Variants in OIT3 observed in about 807,000 individuals in gnomAD.
OIT3 encodes oncoprotein-induced transcript 3 protein.
A neutral mutation model predicts 52.2 loss-of-function variants in OIT3; 41 were observed. That is an observed-to-expected ratio of 0.79 (90% CI 0.61 to 1.02). The LOEUF (loss-of-function observed/expected upper bound fraction) is 1.02. OIT3 is among the 50% of genes least tolerant of loss of function. The probability of loss-of-function intolerance (pLI) is 0.00; values close to 1 mark genes in which losing one functional copy is unlikely to be tolerated. For missense variants in OIT3, 634 were observed against 715.5 expected (o/e 0.89, Z 1.30); for synonymous variants, 244 against 276.9 (o/e 0.88, Z 1.18).
intron 6 of OIT3, among the ~76,000 whole-genome samples, chr10:72,920,047 G>T (rs187400367): frequency 6.6e-6 from 1 of 152,150 alleles, no homozygotes; most frequent in African/African-American, 2.4e-5. Context: ...TGTACAGGGG[G>T]TAGAATTCAG....
At chr10:72,912,224 T>C (rs142791414) in intron 5 of OIT3, among the ~76,000 whole-genome samples, 65 of 151,956 alleles carry the variant, frequency 4.3e-4, no homozygotes, top group African/African-American at 1.5e-3. Flanking sequence ...GATATGAGGG[T>C]TAACAATCCT....
chr10:72,912,480 A>G (rs887132844), intron 5 of OIT3, among the ~76,000 whole-genome samples: 1 of 151,972 alleles, frequency 6.6e-6, no homozygotes, highest in Non-Finnish European at 1.5e-5. Flanking sequence ...CATGTTGGCC[A>G]GGCTGGTCTC....
At chr10:72,916,570 A>T (rs895594389) in intron 6 of OIT3, among the ~76,000 whole-genome samples, 2 of 152,146 alleles carry the variant, frequency 1.3e-5, no homozygotes, top group African/African-American at 4.8e-5. Flanking sequence ...TACCCAGCCT[A>T]TCATTGATGG....
At position 72,932,918 on chromosome 10, in the gene OIT3, AC is replaced by A. The variant is rs1357785612; in HGVS notation, c.*397del. 6.0e-6 allele frequency: 1 copy of A among 166,534 alleles called. No individual in the cohort carries two copies. Among genetic ancestry groups the A allele is most frequent in the African/African-American group, 2.4e-5 (1 of 42,022 alleles). 10.3% of individuals were successfully genotyped at this position (166,534 alleles called of 1,614,324 possible). On this transcript the variant is annotated 3_prime_UTR_variant, in exon 9 of 9. Coordinates refer to ENST00000334011, the MANE Select transcript of OIT3 (RefSeq NM_152635.3). ...CAGTTACTGAAATTATGACTTAAATACCCAATGACTCCTTAAATATGTAAAT... is the reference window on the plus strand; with the variant it reads ...CAGTTACTGAAATTATGACTTAAATACCAATGACTCCTTAAATATGTAAAT...
At chr10:72,917,747 A>T in intron 6 of OIT3, 4 of 1,237,628 alleles carry the variant, frequency 3.2e-6, no homozygotes, top group Admixed American at 1.7e-5. Context: ...GAAGAGAATC[A>T]CCTTTTTCTG....
chr10:72,924,101 C>T, intron 6 of OIT3, 128 bp from the exon 7 acceptor site: 1 of 814,426 alleles, frequency 1.2e-6, no homozygotes, highest in Non-Finnish European at 1.9e-6. Flanking sequence ...AACAAAACTT[C>T]ATCCTTAGGC....
rs1448381844 is a variant in OIT3, at chr10:72,906,589, T to C, written c.545-7T>C. 9.9e-6 allele frequency: 16 copies of C among 1,613,894 alleles called. No individual in the cohort carries two copies. Among genetic ancestry groups the C allele is most frequent in the Non-Finnish European group, 1.2e-5 (14 of 1,179,832 alleles). On this transcript the variant is annotated splice_region_variant and splice_polypyrimidine_tract_variant and intron_variant, in intron 3 of 8. Transcript: ENST00000334011. ...AGTATAGAAACAGTGTGGTTTCTCT[T>C]CTGCAGATGAAAATGAATGTGAGCA...
At chr10:72,928,701 T>C (rs1325881634) in intron 7 of OIT3, among the ~76,000 whole-genome samples, 2 of 152,176 alleles carry the variant, frequency 1.3e-5, no homozygotes, top group Non-Finnish European at 2.9e-5. Flanking sequence ...TATTATAGAA[T>C]ATAATCAGAA....
In OIT3 at chr10:72,932,583, C is replaced by G. The variant is rs867244150; in HGVS notation, c.*59C>G. ...GGCTCTGCTCTTTGGAGCTTCTCCC[C>G]CCACCGCCCTCTAAGAACATCTGCC... On this transcript the variant is annotated 3_prime_UTR_variant, in exon 9 of 9. Coordinates refer to ENST00000334011, the MANE Select transcript of OIT3 (RefSeq NM_152635.3). 9 of 1,461,782 alleles carry G rather than the reference C, an allele frequency of 6.2e-6. No individual in the cohort carries two copies. The highest frequency in any genetic ancestry group is 2.2e-5 in the Admixed American group (1 of 45,078). The allele number at this position is 1,461,782 out of a possible 1,614,324, so 90.6% of individuals were successfully genotyped here.
intron 1 of OIT3, among the ~76,000 whole-genome samples, chr10:72,895,823 G>A (rs1409549655): frequency 6.6e-6 from 1 of 152,202 alleles, no homozygotes; most frequent in Non-Finnish European, 1.5e-5. Flanking sequence ...AGGCCAGGAA[G>A]CTGTTCTTTT....
intron 5 of OIT3, 53 bp downstream of exon 5, chr10:72,911,892 T>A: frequency 6.6e-7 from 1 of 1,521,110 alleles, no homozygotes; most frequent in Non-Finnish European, 8.9e-7. Context: ...CTTCTTCCTC[T>A]CCCAAAGCTC....
intron 1 of OIT3, 38 bp downstream of exon 1, chr10:72,893,897 T>C: frequency 6.6e-7 from 1 of 1,517,088 alleles, no homozygotes; most frequent in South Asian, 1.2e-5. Context: ...AATGCACTTT[T>C]TGTTGTGGCA....
At chr10:72,930,420 A>G (rs989624175) in intron 7 of OIT3, 118 bp from the exon 8 acceptor site, 56 of 735,274 alleles carry the variant, frequency 7.6e-5, no homozygotes, top group Non-Finnish European at 1.2e-4. Context: ...AAAAAGCTTG[A>G]GTACAGTCCA....
chr10:72,910,787 G>A (rs1209772134), intron 4 of OIT3, among the ~76,000 whole-genome samples: 1 of 152,166 alleles, frequency 6.6e-6, no homozygotes, highest in African/African-American at 2.4e-5. Flanking sequence ...AGGTCAGATG[G>A]TAAATACTTT....
At chr10:72,928,300 G>A (rs570053080) in intron 7 of OIT3, among the ~76,000 whole-genome samples, 2 of 152,218 alleles carry the variant, frequency 1.3e-5, no homozygotes, top group East Asian at 1.9e-4. Flanking sequence ...ACAAGTTTTC[G>A]ATAAGCCACT....
intron 6 of OIT3, among the ~76,000 whole-genome samples, chr10:72,920,745 G>T (rs1846114073): frequency 6.6e-6 from 1 of 152,190 alleles, no homozygotes; most frequent in South Asian, 2.1e-4. Context: ...GGTTTTGAGT[G>T]AATTTCTTAG....
At chr10:72,914,625 T>G (rs1445879021) in intron 6 of OIT3, among the ~76,000 whole-genome samples, 1 of 152,128 alleles carries the variant, frequency 6.6e-6, no homozygotes, top group African/African-American at 2.4e-5. Flanking sequence ...AATCTGGTGA[T>G]AAAAAGCTGA....
intron 6 of OIT3, chr10:72,913,805 A>C: frequency 2.6e-6 from 1 of 387,268 alleles, no homozygotes; most frequent in Middle Eastern, 3.6e-4. Flanking sequence ...CAACTAATAC[A>C]GTTGGTGGTT....
At chr10:72,922,880 C>T (rs1846133473) in intron 6 of OIT3, among the ~76,000 whole-genome samples, 1 of 151,862 alleles carries the variant, frequency 6.6e-6, no homozygotes, top group Admixed American at 6.6e-5. Flanking sequence ...GTTTTTTTCT[C>T]CCACTTTTTT....
Sources: gnomAD v4.1 joint callset for allele counts (sites outside exome capture counted in the v4.1 genomes callset) on GRCh38, gnomAD v4.1.1 for gene constraint, MANE v1.5 for transcripts, NCBI Gene and HGNC (gene_info 2026-07-23, HGNC 2026-07-21) for gene names.